KAZN: variants seen among roughly 807,000 people sequenced by gnomAD.
KAZN encodes the protein kazrin, periplakin interacting protein, also known as kazrin.
A neutral mutation model predicts 87.4 loss-of-function variants in KAZN; 40 were observed. That is an observed-to-expected ratio of 0.46 (90% CI 0.36 to 0.60). The LOEUF (loss-of-function observed/expected upper bound fraction) is 0.60. Among genes scored for constraint, KAZN ranks in the 20% least tolerant of loss-of-function variants. The pLI is 0.00. For missense variants in KAZN, 898 were observed against 1,073.9 expected, an observed-to-expected ratio of 0.84 and a Z score of 2.29; for synonymous variants, 466 against 458.3, an observed-to-expected ratio of 1.02 and a Z score of -0.22.
At chr1:14,539,141 C>T (rs780948911) in intron 2 of KAZN, among the ~76,000 whole-genome samples, 1 of 152,200 alleles carries the variant, frequency 6.6e-6, no homozygotes, top group Non-Finnish European at 1.5e-5. Flanking sequence ...TACTGTCACC[C>T]TCTTGCTAAG....
intron 1 of KAZN, among the ~76,000 whole-genome samples, chr1:14,759,188 G>A (rs1447852787): frequency 2.0e-5 from 3 of 152,170 alleles, no homozygotes; most frequent in East Asian, 1.9e-4. Context: ...AGGAGCTCGC[G>A]TTCCTATCTC....
intron 1 of KAZN, among the ~76,000 whole-genome samples, chr1:14,660,111 T>A (rs1412175602): frequency 6.6e-6 from 1 of 152,148 alleles, no homozygotes; most frequent in African/African-American, 2.4e-5. Context: ...GATTAGGGCC[T>A]GCTTCAGTGG....
intron 2 of KAZN, among the ~76,000 whole-genome samples, chr1:14,426,285 C>A (rs1350667584): frequency 3.3e-5 from 5 of 152,198 alleles, no homozygotes; most frequent in African/African-American, 1.2e-4. Flanking sequence ...AAAGGCCTGC[C>A]CTGACCACTC....
chr1:14,549,099 C>T (rs12035490), intron 2 of KAZN, among the ~76,000 whole-genome samples: 76,713 of 152,062 alleles, frequency 0.5, 19,999 homozygotes, highest in South Asian at 0.66. Context: ...TATAAAAGAG[C>T]GTACATGCTG....
At chr1:14,277,281 A>T (rs1007673743) in intron 2 of KAZN, among the ~76,000 whole-genome samples, 3 of 152,214 alleles carry the variant, frequency 2.0e-5, no homozygotes, top group Non-Finnish European at 4.4e-5. Flanking sequence ...ATATATCTGT[A>T]TGTATCTCTA....
chr1:14,360,827 G>C (rs1557662460), intron 2 of KAZN, among the ~76,000 whole-genome samples: 1 of 152,194 alleles, frequency 6.6e-6, no homozygotes, highest in Non-Finnish European at 1.5e-5. Flanking sequence ...TCCCAGAGGG[G>C]CACCTGCCAG....
At chr1:14,514,619 A>ATATTTTTTTATATTT (rs1557770564) in intron 2 of KAZN, among the ~76,000 whole-genome samples, 1 of 53,146 alleles carries the variant, frequency 1.9e-5, no homozygotes, top group Non-Finnish European at 3.5e-5. Flanking sequence ...ATATATATAT[A>ATATTTTTTTATATTT]TATATATATA....
intron 1 of KAZN, among the ~76,000 whole-genome samples, chr1:14,928,702 C>T (rs533196084): frequency 9.9e-5 from 15 of 152,246 alleles, no homozygotes; most frequent in African/African-American, 3.1e-4. Flanking sequence ...AATGGTTTTA[C>T]GAAGCTGCCC....
chr1:15,078,252 A>G (rs1639845352), intron 8 of KAZN, among the ~76,000 whole-genome samples: 1 of 152,018 alleles, frequency 6.6e-6, no homozygotes, highest in Non-Finnish European at 1.5e-5. Context: ...TAAAAATACA[A>G]AAATTAGCTG....
chr1:14,879,445 C>A (rs769215461), intron 1 of KAZN, among the ~76,000 whole-genome samples: 1 of 152,130 alleles, frequency 6.6e-6, no homozygotes, highest in African/African-American at 2.4e-5. Context: ...CTCAGTGCTA[C>A]GTACAGGAGT....
intron 1 of KAZN, among the ~76,000 whole-genome samples, chr1:14,912,535 C>T (rs1657365111): frequency 6.6e-6 from 1 of 152,128 alleles, no homozygotes; most frequent in African/African-American, 2.4e-5. Context: ...TGCACGCCAC[C>T]ATGCCCAGCT....
At chr1:14,818,360 G>T (rs1465876149) in intron 1 of KAZN, among the ~76,000 whole-genome samples, 1 of 152,246 alleles carries the variant, frequency 6.6e-6, no homozygotes, top group Non-Finnish European at 1.5e-5. Context: ...TTCAATGGGA[G>T]ACCTGTTGAC....
At chr1:14,465,630 T>A (rs955510497) in intron 2 of KAZN, among the ~76,000 whole-genome samples, 1 of 152,032 alleles carries the variant, frequency 6.6e-6, no homozygotes. Flanking sequence ...TGCAGAACAT[T>A]ACTTCTGCCA....
intron 1 of KAZN, among the ~76,000 whole-genome samples, chr1:14,087,659 C>G (rs1347000110): frequency 6.6e-6 from 1 of 151,800 alleles, no homozygotes; most frequent in Non-Finnish European, 1.5e-5. Context: ...TTTTTTTTAT[C>G]AAGAGTGGCT....
chr1:14,227,164 T>C (rs765620888), intron 2 of KAZN, among the ~76,000 whole-genome samples: 2 of 152,156 alleles, frequency 1.3e-5, no homozygotes, highest in Non-Finnish European at 2.9e-5. Context: ...CAAATACAGA[T>C]TGATAAAGTC....
At chr1:14,831,718 T>C (rs1647053513) in intron 1 of KAZN, among the ~76,000 whole-genome samples, 1 of 152,210 alleles carries the variant, frequency 6.6e-6, no homozygotes, top group South Asian at 2.1e-4. Context: ...TTTTGCCCAC[T>C]GAATGGGAAA....
At chr1:14,176,343 C>T (rs778674228) in intron 1 of KAZN, among the ~76,000 whole-genome samples, 2 of 152,068 alleles carry the variant, frequency 1.3e-5, no homozygotes, top group East Asian at 1.9e-4. Context: ...CGAGGTGGAG[C>T]GATGAGAGTG....
intron 2 of KAZN, among the ~76,000 whole-genome samples, chr1:14,407,829 G>C (rs934255347): frequency 2.0e-5 from 3 of 152,174 alleles, no homozygotes; most frequent in African/African-American, 7.2e-5. Flanking sequence ...TAAGTTATGA[G>C]TGGTTTAGTT....
intron 2 of KAZN, among the ~76,000 whole-genome samples, chr1:15,005,398 C>T (rs954163413): frequency 6.6e-6 from 1 of 152,176 alleles, no homozygotes. Context: ...CTGACCCTGC[C>T]AACTCTGTCC....
Sources: allele counts gnomAD v4.1 joint callset (sites outside exome capture counted in the v4.1 genomes callset), GRCh38; gene constraint gnomAD v4.1.1; transcripts MANE v1.5; gene names NCBI Gene and HGNC (gene_info 2026-07-23, HGNC 2026-07-21).